Variants in CPLANE1 observed in about 807,000 individuals in gnomAD.
CPLANE1 encodes the protein ciliogenesis and planar polarity effector 1.
A neutral mutation model predicts 362.5 loss-of-function variants in CPLANE1; 263 were observed. The observed-to-expected ratio is 0.73, with a 90% CI of 0.66 to 0.80. The LOEUF (loss-of-function observed/expected upper bound fraction) is 0.80, where lower values mean the gene tolerates loss of function less well. Among genes scored for constraint, CPLANE1 ranks in the 30% least tolerant of loss-of-function variants. The pLI is 0.00. For missense variants in CPLANE1, 3,461 were observed against 3,793.4 expected (o/e 0.91, Z 2.30); for synonymous variants, 1,212 against 1,302.6 (o/e 0.93, Z 1.50).
chr5:37,174,992 G>T (rs1211423137), intron 31 of CPLANE1, among the ~76,000 whole-genome samples: 1 of 152,224 alleles, frequency 6.6e-6, no homozygotes, highest in Non-Finnish European at 1.5e-5. Context: ...CAGTGACAGG[G>T]ATCTGGAATC....
At position 37,153,826 on chromosome 5, in the gene CPLANE1, C is replaced by T. The variant is rs200612080; in HGVS notation, c.8287G>A (p.Glu2763Lys). ...HLSAKLQKIDEQLLAIQNIAE... is the reference protein window; with the variant it reads ...HLSAKLQKIDKQLLAIQNIAE... ...ATGTTCTGTATTGCTAGCAACTGCT[C>T]GTCAATTTTCTGAAGCTTAGCACTG... The change falls in exon 42 of 53, where the codon GAG becomes AAG. Residue 2763 changes from glutamate to lysine, a missense_variant. Transcript: ENST00000651892. 129 of 1,614,058 alleles carry T rather than the reference C, an allele frequency of 8.0e-5. No homozygotes were observed. The highest frequency in any genetic ancestry group is 6.6e-4 in the Middle Eastern group (4 of 6,060).
intron 24 of CPLANE1, among the ~76,000 whole-genome samples, chr5:37,185,364 T>TA (rs1351181423): frequency 6.6e-6 from 1 of 152,082 alleles, no homozygotes; most frequent in Admixed American, 6.5e-5. Flanking sequence ...TTAAGTGATT[T>TA]AACTGTTTTA....
chr5:37,214,339 G>C (rs1328812436), intron 15 of CPLANE1, among the ~76,000 whole-genome samples: 1 of 152,096 alleles, frequency 6.6e-6, no homozygotes, highest in Non-Finnish European at 1.5e-5. Flanking sequence ...GCTGGGCATG[G>C]TTGTGCGCAC....
At chr5:37,185,216 C>T (rs1314192556) in intron 24 of CPLANE1, 137 bp from the exon 25 acceptor site, 13 of 693,504 alleles carry the variant, frequency 1.9e-5, no homozygotes, top group Admixed American at 3.3e-5. Context: ...TCTTACTGGT[C>T]GTGTTTTCTT....
chr5:37,138,964 C>A, intron 45 of CPLANE1, 116 bp from the exon 46 acceptor site: 1 of 861,954 alleles, frequency 1.2e-6, no homozygotes, highest in South Asian at 2.1e-5. Flanking sequence ...ATCTACTGTT[C>A]CTTCTATTTC....
chr5:37,182,954 T>C lies in CPLANE1; in HGVS notation c.5227A>G (p.Ile1743Val). 2 of 1,606,320 alleles carry C rather than the reference T, an allele frequency of 1.2e-6. No homozygotes were observed. The highest frequency in any genetic ancestry group is 1.7e-6 in the Non-Finnish European group (2 of 1,176,484). ...ATCATCCATTCCAGCAGTCTTCCTA[T>C]ACTGCCAAAAGTGTTTAGTGCTAAA... Reference protein sequence around the residue: ...LPLALNTFGSIGRLLEWMIRW... With the variant: ...LPLALNTFGSVGRLLEWMIRW... The change falls in exon 26 of 53, where the codon ATA becomes GTA. Residue 1743 changes from isoleucine to valine, a missense_variant. Physicochemically the swap from Ile to Val is conservative, Grantham distance 29. This residue lies in a region of CPLANE1 where 3,380 missense variants were observed against 3,666.1 expected (regional missense o/e 0.92). Transcript: ENST00000651892.
chr5:37,112,138 T>C (rs1361468380), intron 51 of CPLANE1, among the ~76,000 whole-genome samples: 2 of 152,228 alleles, frequency 1.3e-5, no homozygotes, highest in Non-Finnish European at 2.9e-5. Flanking sequence ...ATCGACATTC[T>C]TGTTTTGTCC....
At chr5:37,181,555 C>T (rs1782662580) in intron 26 of CPLANE1, among the ~76,000 whole-genome samples, 2 of 152,324 alleles carry the variant, frequency 1.3e-5, no homozygotes, top group African/African-American at 4.8e-5. Context: ...TGGCTCCCAC[C>T]TGTAATCCCA....
Position 37,182,962 on chromosome 5 carries a change from A to G in CPLANE1, c.5219T>C (p.Phe1740Ser), listed in dbSNP as rs1023681472. The G allele has an allele frequency of 6.2e-6, 10 of 1,606,616 alleles. No homozygotes were observed. Among genetic ancestry groups the G allele is most frequent in the Non-Finnish European group, 8.5e-6 (10 of 1,176,488 alleles). ...TTCCAGCAGTCTTCCTATACTGCCA[A>G]AAGTGTTTAGTGCTAAAGGAAGATC... ...QEDLPLALNT[F>S]GSIGRLLEWM... Residue 1740 changes from phenylalanine (F) to serine (S), a missense_variant, in exon 26 of 53, where the codon TTT becomes TCT. Around this residue, in one of 2 missense-constraint regions of CPLANE1, gnomAD observed 3,380 missense variants for 3,666.1 expected, o/e 0.92. Coordinates refer to ENST00000651892, the MANE Select transcript of CPLANE1 (RefSeq NM_001384732.1).
intron 27 of CPLANE1, 22 bp from the exon 28 acceptor site, chr5:37,180,205 A>G: frequency 7.0e-7 from 1 of 1,426,208 alleles, no homozygotes; most frequent in Admixed American, 2.7e-5. Context: ...GCAGCAACTA[A>G]AATTACAACT....
chr5:37,187,745 T>C lies in CPLANE1; in HGVS notation c.3909A>G (p.Val1303=), dbSNP rs1784454456. Residue 1303 remains valine, a synonymous_variant, in exon 22 of 53, where the codon GTA becomes GTG. Transcript: ENST00000651892. ...CRQYQKAREN[V]KGEKDLEVEF... is the part of the protein sequence containing the mutation. ...CCCTGGTAAATACCTTTTCTCCTTT[T>C]ACATTTTCTCTTGCTTTCTGATATT... 11 of 1,613,212 alleles carry C rather than the reference T, an allele frequency of 6.8e-6. No individual in the cohort carries two copies. Among genetic ancestry groups the C allele is most frequent in the Non-Finnish European group, 9.3e-6 (11 of 1,179,430 alleles).
the CPLANE1 span, among the ~76,000 whole-genome samples, chr5:37,094,035 G>C: frequency 3.9e-5 from 6 of 152,278 alleles, no homozygotes; most frequent in East Asian, 1.2e-3. Flanking sequence ...GGGGGCAGGA[G>C]TGGAAGGAGA....
the CPLANE1 span, among the ~76,000 whole-genome samples, chr5:37,087,093 C>T: frequency 5.9e-5 from 9 of 152,094 alleles, no homozygotes; most frequent in African/African-American, 1.7e-4. Flanking sequence ...CTAGTGGAGC[C>T]CGTTTCACAG....
intron 47 of CPLANE1, among the ~76,000 whole-genome samples, chr5:37,123,582 C>G (rs540350902): frequency 3.9e-4 from 60 of 152,184 alleles, no homozygotes; most frequent in Admixed American, 6.5e-5. Flanking sequence ...ACTCTGTTGC[C>G]CAGGCAGGAG....
At chr5:37,144,850 C>CA (rs530265427) in intron 43 of CPLANE1, among the ~76,000 whole-genome samples, 3,102 of 63,978 alleles carry the variant, frequency 0.048, 77 homozygotes, top group African/African-American at 0.13. Flanking sequence ...GACTCTGTCT[C>CA]AAAAAAAAAA....
chr5:37,229,880 A>C (rs1797318918), intron 9 of CPLANE1, among the ~76,000 whole-genome samples: 1 of 152,128 alleles, frequency 6.6e-6, no homozygotes, highest in African/African-American at 2.4e-5. Flanking sequence ...GATCAAAATA[A>C]ATTTTTAAAA....
intron 16 of CPLANE1, chr5:37,211,965 A>T: frequency 1.1e-6 from 1 of 881,946 alleles, no homozygotes; most frequent in South Asian, 1.3e-5. Context: ...TCAGCACCCA[A>T]GTGTAGATCA....
intron 6 of CPLANE1, among the ~76,000 whole-genome samples, 185 bp from the exon 7 acceptor site, chr5:37,240,054 A>T (rs1162918137): frequency 6.6e-6 from 1 of 152,142 alleles, no homozygotes; most frequent in East Asian, 1.9e-4. Context: ...TGAGTAATTT[A>T]TAAAGAAAAG....
At chr5:37,173,135 TC>T (rs1409055888) in intron 32 of CPLANE1, among the ~76,000 whole-genome samples, 1 of 152,126 alleles carries the variant, frequency 6.6e-6, no homozygotes, top group Non-Finnish European at 1.5e-5. Context: ...AACTAATGTT[TC>T]TAAAAAGGTA....
Sources: allele counts gnomAD v4.1 joint callset (sites outside exome capture counted in the v4.1 genomes callset), GRCh38; gene constraint gnomAD v4.1.1; regional missense constraint gnomAD v4.1.1; transcripts MANE v1.5; gene names NCBI Gene and HGNC (gene_info 2026-07-23, HGNC 2026-07-21).